Variants in VPS50 observed in about 807,000 individuals in gnomAD.
The protein encoded by VPS50 is VPS50 subunit of EARP/GARPII complex.
In VPS50, 70 loss-of-function variants were observed where a neutral mutation model predicts 139.7. The ratio of observed to expected loss-of-function variants is 0.50; its 90% CI spans 0.41 to 0.61. The LOEUF (loss-of-function observed/expected upper bound fraction) is 0.61. VPS50 is among the 20% of genes least tolerant of loss of function. VPS50 has a pLI of 0.00. For missense variants in VPS50, 921 were observed against 1,133.7 expected (o/e 0.81, Z 2.69); for synonymous variants, 365 against 376.7 (o/e 0.97, Z 0.36).
At chr7:93,317,489 CAAGGTTGCAGCAAGCT>C (rs1584462724) in intron 20 of VPS50, among the ~76,000 whole-genome samples, 1 of 151,924 alleles carries the variant, frequency 6.6e-6, no homozygotes, top group East Asian at 1.9e-4. Flanking sequence ...TGCAGCAAGC[CAAGGTTGCAGCAAGCT>C]GAGATCGCAC....
intron 12 of VPS50, among the ~76,000 whole-genome samples, chr7:93,289,504 C>G (rs1416983082): frequency 6.6e-6 from 1 of 151,930 alleles, no homozygotes; most frequent in Non-Finnish European, 1.5e-5. Context: ...TTTTGCTATA[C>G]AAATTGTACT....
chr7:93,349,153 G>A (rs1447476975), intron 24 of VPS50, among the ~76,000 whole-genome samples: 1 of 152,154 alleles, frequency 6.6e-6, no homozygotes, highest in South Asian at 2.1e-4. Flanking sequence ...CTATCTAGAG[G>A]AAGTAATGTT....
intron 2 of VPS50, among the ~76,000 whole-genome samples, chr7:93,246,665 A>C (rs1426597456): frequency 2.0e-5 from 3 of 151,874 alleles, no homozygotes; most frequent in Non-Finnish European, 4.4e-5. Context: ...AGTGAATAGA[A>C]TTAAGAGCCC....
At chr7:93,345,783 C>CA (rs1187615885) in intron 23 of VPS50, among the ~76,000 whole-genome samples, 1 of 152,190 alleles carries the variant, frequency 6.6e-6, no homozygotes, top group Non-Finnish European at 1.5e-5. Flanking sequence ...AACAACCCTT[C>CA]ATGCAAAAAA....
At chr7:93,313,437 CAAATA>C (rs1295820876) in intron 20 of VPS50, among the ~76,000 whole-genome samples, 3 of 152,044 alleles carry the variant, frequency 2.0e-5, no homozygotes, top group Admixed American at 6.6e-5. Flanking sequence ...TCATTATAAT[CAAATA>C]AAATAAAATA....
At chr7:93,268,522 C>T (rs1274426795) in intron 9 of VPS50, among the ~76,000 whole-genome samples, 1 of 152,066 alleles carries the variant, frequency 6.6e-6, no homozygotes, top group East Asian at 1.9e-4. Flanking sequence ...GTTCCCCTCC[C>T]TGTGTCCATG....
At chr7:93,271,021 G>A (rs1031957802) in intron 9 of VPS50, 199 bp from the exon 10 acceptor site, 4 of 707,478 alleles carry the variant, frequency 5.7e-6, no homozygotes, top group Non-Finnish European at 7.8e-6. Context: ...ACGCAATCCT[G>A]TTGCTGCTGC....
chr7:93,355,849 A>G (rs528137607), intron 26 of VPS50, 42 bp from the exon 27 acceptor site: 4 of 1,273,112 alleles, frequency 3.1e-6, no homozygotes, highest in Non-Finnish European at 4.4e-6. Context: ...TTTGTTTCTA[A>G]TTATCCTATA....
At chr7:93,325,405 C>T (rs1797740039) in intron 21 of VPS50, among the ~76,000 whole-genome samples, 1 of 151,930 alleles carries the variant, frequency 6.6e-6, no homozygotes, top group African/African-American at 2.4e-5. Context: ...GACTTCATGT[C>T]TAAAACACCA....
chr7:93,233,678 T>C (rs1470119361), intron 1 of VPS50, among the ~76,000 whole-genome samples: 1 of 152,224 alleles, frequency 6.6e-6, no homozygotes, highest in Non-Finnish European at 1.5e-5. Flanking sequence ...ATTCCTCACA[T>C]GTGTTGAGTA....
chr7:93,294,673 A>T (rs1386964848), intron 14 of VPS50, 37 bp downstream of exon 14: 5 of 1,452,222 alleles, frequency 3.4e-6, no homozygotes, highest in Non-Finnish European at 4.7e-6. Flanking sequence ...TCACAGAAGC[A>T]ATAGAAATGT....
At chr7:93,256,652 C>A in intron 5 of VPS50, 90 bp downstream of exon 5, 1 of 701,758 alleles carries the variant, frequency 1.4e-6, no homozygotes, top group South Asian at 1.8e-5. Flanking sequence ...TATTTTTTGT[C>A]AATAATTCTG....
Position 93,358,586 on chromosome 7 carries a change from T to C in VPS50, c.*150T>C, listed in dbSNP as rs1298797134. 9 of 656,916 alleles carry C rather than the reference T, an allele frequency of 1.4e-5. No individual in the cohort carries two copies. The highest frequency in any genetic ancestry group is 4.9e-5 in the Admixed American group (2 of 41,126). 40.7% of individuals were successfully genotyped at this position (656,916 alleles called of 1,614,324 possible). A position where few individuals can be genotyped will look rare whatever the true frequency, so the allele number is the denominator to read the frequency against. On this transcript the variant is annotated 3_prime_UTR_variant, in exon 28 of 28. Transcript: ENST00000305866. The stretch of plus-strand genomic sequence containing the variant: ...GGAAAGTGGAAAATATTGAAATGTG[T>C]GTGGTGTTCTCATGACTTTTATATG...
intron 20 of VPS50, among the ~76,000 whole-genome samples, chr7:93,322,589 G>A (rs1338237079): frequency 1.8e-5 from 2 of 110,316 alleles, no homozygotes; most frequent in Non-Finnish European, 3.3e-5. Context: ...GACAGAGCGA[G>A]ACTCCGTCTC....
intron 20 of VPS50, among the ~76,000 whole-genome samples, chr7:93,315,164 T>A (rs1797389166): frequency 6.6e-6 from 1 of 152,220 alleles, no homozygotes; most frequent in South Asian, 2.1e-4. Context: ...CTGTTTTTTA[T>A]CTGGATTTTT....
rs200434482 is a variant in VPS50 at position 93,296,765 on chromosome 7, C to G, written c.1191C>G (p.Thr397=). ...AGGATGTTCAGCTAAAAGTAAAAAC[C>G]TACTTGCTTGGAACTGATTTGTCTA... ...IWQDVQLKVK[T]YLLGTDLSIF... Residue 397 remains threonine, a synonymous_variant, in exon 15 of 28, where the codon ACC becomes ACG. Transcript: ENST00000305866. 5.0e-4 allele frequency: 801 copies of G among 1,603,776 alleles called. 2 individuals carry two copies. Among genetic ancestry groups the G allele is most frequent in the South Asian group, 1.3e-3 (116 of 89,438 alleles).
intron 21 of VPS50, among the ~76,000 whole-genome samples, chr7:93,326,075 A>G (rs1014366982): frequency 8.5e-5 from 13 of 152,178 alleles, no homozygotes; most frequent in Non-Finnish European, 1.2e-4. Flanking sequence ...AGACTGGATC[A>G]AGAAAATGTG....
intron 2 of VPS50, chr7:93,246,139 T>G (rs538240360): frequency 7.5e-6 from 11 of 1,465,698 alleles, no homozygotes; most frequent in African/African-American, 2.8e-5. Context: ...GGTAAGATTA[T>G]AGCTTCCGTT....
At chr7:93,326,764 T>C (rs988978281) in intron 21 of VPS50, among the ~76,000 whole-genome samples, 2 of 152,068 alleles carry the variant, frequency 1.3e-5, no homozygotes, top group African/African-American at 2.4e-5. Flanking sequence ...GTCCTATGAA[T>C]ATAATACTAC....
Sources: gnomAD v4.1 joint callset for allele counts (sites outside exome capture counted in the v4.1 genomes callset) on GRCh38, gnomAD v4.1.1 for gene constraint, MANE v1.5 for transcripts, NCBI Gene and HGNC (gene_info 2026-07-23, HGNC 2026-07-21) for gene names.